NEDD4: variants seen among roughly 807,000 people sequenced by gnomAD.
The protein encoded by NEDD4 is E3 ubiquitin-protein ligase NEDD4.
NEDD4 carries 99 observed loss-of-function variants against 144.9 expected under a neutral mutation model. That is an observed-to-expected ratio of 0.68 (90% CI 0.58 to 0.81). The LOEUF is 0.81. Among genes scored for constraint, NEDD4 ranks in the 30% least tolerant of loss-of-function variants. The pLI is 0.00. For synonymous variants in NEDD4, 318 were observed against 350.6 expected, an observed-to-expected ratio of 0.91 and a Z score of 1.04; for missense variants, 985 against 1,065.9, an observed-to-expected ratio of 0.92 and a Z score of 1.06.
chr15:55,992,461 A>G (rs963577592), intron 1 of NEDD4, among the ~76,000 whole-genome samples: 2 of 152,240 alleles, frequency 1.3e-5, no homozygotes, highest in African/African-American at 4.8e-5. Flanking sequence ...AAATATTACA[A>G]TACTTAAGCA....
At chr15:55,872,288 A>G (rs2034828372) in intron 7 of NEDD4, 127 bp downstream of exon 7, 1 of 252,378 alleles carries the variant, frequency 4.0e-6, no homozygotes. Flanking sequence ...AATAATAATA[A>G]TAATAATAAT....
chr15:55,850,113 T>C (rs1336902626), intron 14 of NEDD4, among the ~76,000 whole-genome samples: 1 of 152,198 alleles, frequency 6.6e-6, no homozygotes, highest in South Asian at 2.1e-4. Flanking sequence ...GTAATTTTTC[T>C]ATTAGTAGTA....
intron 1 of NEDD4, among the ~76,000 whole-genome samples, chr15:55,980,747 C>G (rs188756423): frequency 3.8e-4 from 58 of 152,078 alleles, no homozygotes; most frequent in African/African-American, 1.3e-3. Context: ...TCAACAAGAA[C>G]AAGGAAAAGG....
At chr15:55,876,130 C>A (rs1446857746) in intron 5 of NEDD4, among the ~76,000 whole-genome samples, 1 of 152,026 alleles carries the variant, frequency 6.6e-6, no homozygotes, top group Non-Finnish European at 1.5e-5. Flanking sequence ...GGAAAATGTA[C>A]CAAGAATTCT....
rs377635604 is a variant in NEDD4, at chr15:55,843,625, G to GA, written c.1609-1463dup. On this transcript the variant is annotated intron_variant, in intron 18 of 28. Coordinates refer to ENST00000435532, the MANE Select transcript of NEDD4 (RefSeq NM_006154.4). The stretch of plus-strand genomic sequence containing the variant: ...TCCAAAAAAGAAGGTTAGCTCTAAG[G>GA]AAAAAAAATCAATTTCATTCTCAAT... Among the ~76,000 whole-genome samples, 1,244 of 151,884 alleles carry GA rather than the reference G, an allele frequency of 8.2e-3. 16 individuals are homozygous for GA. Among genetic ancestry groups the GA allele is most frequent in the African/African-American group, 0.029 (1,198 of 41,422 alleles).
At chr15:55,957,291 T>C (rs1247560462) in intron 2 of NEDD4, among the ~76,000 whole-genome samples, 1 of 152,172 alleles carries the variant, frequency 6.6e-6, no homozygotes, top group Non-Finnish European at 1.5e-5. Context: ...TTTTTTTTTC[T>C]TTGCCATACT....
At chr15:55,862,801 A>C (rs1477821722) in intron 9 of NEDD4, 112 bp downstream of exon 9, 9 of 923,958 alleles carry the variant, frequency 9.7e-6, no homozygotes, top group Admixed American at 8.9e-5. Flanking sequence ...TAGTATTCTT[A>C]TAGTTTATGG....
intron 5 of NEDD4, among the ~76,000 whole-genome samples, chr15:55,909,232 C>T (rs2036194809): frequency 6.6e-6 from 1 of 152,178 alleles, no homozygotes; most frequent in Non-Finnish European, 1.5e-5. Context: ...ACAAGGTGCA[C>T]ATACACACTA....
chr15:55,986,199 A>C (rs2037888418), intron 1 of NEDD4, among the ~76,000 whole-genome samples: 1 of 152,256 alleles, frequency 6.6e-6, no homozygotes, highest in Admixed American at 6.5e-5. Context: ...AGATGGAAAT[A>C]AAACAAAATA....
chr15:55,829,171 T>C lies in NEDD4; in HGVS notation c.*726A>G, dbSNP rs1275756593. ...AGGCAAGAGAAAGGCTTTAATACTT[T>C]TTACCCATTGCAAATATGAATTTGC... On this transcript the variant is annotated 3_prime_UTR_variant, in exon 29 of 29. Coordinates refer to ENST00000435532, the MANE Select transcript of NEDD4 (RefSeq NM_006154.4). The C allele has an allele frequency of 6.6e-6, 1 of 152,356 alleles. No homozygotes were observed. The highest frequency in any genetic ancestry group is 1.5e-5 in the Non-Finnish European group (1 of 68,040). The allele number at this position is 152,356 out of a possible 1,614,324, so 9.4% of individuals were successfully genotyped here.
chr15:55,942,934 G>T (rs2037034440), intron 4 of NEDD4, among the ~76,000 whole-genome samples: 1 of 152,204 alleles, frequency 6.6e-6, no homozygotes, highest in Non-Finnish European at 1.5e-5. Context: ...GGCTGAGGTG[G>T]TCTCGAAGAC....
At chr15:55,974,197 C>T (rs1303897891) in intron 1 of NEDD4, among the ~76,000 whole-genome samples, 2 of 152,082 alleles carry the variant, frequency 1.3e-5, no homozygotes, top group South Asian at 4.1e-4. Flanking sequence ...TATACACATA[C>T]AACCTTCCAA....
intron 4 of NEDD4, among the ~76,000 whole-genome samples, chr15:55,940,044 C>T (rs1386556934): frequency 6.6e-6 from 1 of 152,076 alleles, no homozygotes; most frequent in African/African-American, 2.4e-5. Context: ...AAAAGGAAAC[C>T]CTGCCATTTC....
intron 18 of NEDD4, among the ~76,000 whole-genome samples, chr15:55,846,009 ACTC>A (rs1327202307): frequency 5.3e-5 from 8 of 151,712 alleles, no homozygotes; most frequent in Admixed American, 5.3e-4. Context: ...CTGGTCGTGA[ACTC>A]CTGACCTCAA....
chr15:55,867,771 C>T (rs2034633958), intron 8 of NEDD4, among the ~76,000 whole-genome samples: 1 of 152,166 alleles, frequency 6.6e-6, no homozygotes, highest in Admixed American at 6.5e-5. Flanking sequence ...AAGGTTCTTT[C>T]CTGGCTGGGT....
chr15:55,839,401 T>A (rs1294059041), intron 21 of NEDD4, among the ~76,000 whole-genome samples: 1 of 152,178 alleles, frequency 6.6e-6, no homozygotes, highest in Non-Finnish European at 1.5e-5. Flanking sequence ...GAAAAATCTC[T>A]TAATAAATAT....
chr15:55,867,536 T>C (rs1234955855), intron 8 of NEDD4, among the ~76,000 whole-genome samples: 4 of 152,164 alleles, frequency 2.6e-5, no homozygotes, highest in Non-Finnish European at 4.4e-5. Flanking sequence ...TTTTCTTTCT[T>C]TACAGCAGAT....
intron 2 of NEDD4, 129 bp from the exon 3 acceptor site, chr15:55,951,718 A>T: frequency 1.4e-6 from 1 of 715,760 alleles, no homozygotes; most frequent in Non-Finnish European, 2.0e-6. Flanking sequence ...TGAATTTAAA[A>T]GTCAGGATTC....
rs549903141 is a variant in NEDD4, at chr15:55,940,468, A to G, written c.237+10908T>C. Among the ~76,000 whole-genome samples the G allele has an allele frequency of 2.5e-5, 3 of 121,008 alleles. No homozygotes were observed. In the South Asian group the frequency reaches 8.1e-4, roughly 33 times the overall value. 79.4% of individuals were successfully genotyped at this position (121,008 alleles called of 152,430 possible). A position where few individuals can be genotyped will look rare whatever the true frequency, so the allele number is the denominator to read the frequency against. On this transcript the variant is annotated intron_variant, in intron 4 of 28. Transcript: ENST00000435532. Reference sequence around the variant, plus strand: ...TTTTCTCATTAACATCTCTAATTCCAAAGTAGTCCTTCCTCCCTCTCTCCC... The same window carrying G: ...TTTTCTCATTAACATCTCTAATTCCGAAGTAGTCCTTCCTCCCTCTCTCCC...
Sources: allele counts gnomAD v4.1 joint callset (sites outside exome capture counted in the v4.1 genomes callset), GRCh38; gene constraint gnomAD v4.1.1; transcripts MANE v1.5; gene names NCBI Gene and HGNC (gene_info 2026-07-23, HGNC 2026-07-21).